The following RASGRP3 variants were observed in gnomAD, a reference collection of about 807,000 sequenced individuals.
RASGRP3 encodes the protein RAS guanyl releasing protein 3.
In RASGRP3, 54 loss-of-function variants were observed where a neutral mutation model predicts 82.7. The observed-to-expected ratio is 0.65, with a 90% CI of 0.52 to 0.82. The LOEUF (loss-of-function observed/expected upper bound fraction) is 0.82, where lower values mean the gene tolerates loss of function less well. Ranked by LOEUF, RASGRP3 falls within the 40% of genes least tolerant of loss-of-function variation. RASGRP3 has a pLI of 0.00. For missense variants in RASGRP3, 861 were observed against 828.9 expected, an observed-to-expected ratio of 1.04 and a Z score of -0.48; for synonymous variants, 309 against 300.5, an observed-to-expected ratio of 1.03 and a Z score of -0.29.
In RASGRP3 at chr2:33,510,394, G is replaced by A. The variant is rs148484711; in HGVS notation, c.-260-1316G>A. ...CATTTTGGCATACTTCCTAGATACC[G>A]TCTGGGAATTTAGTCTACAACATCT... On this transcript the variant is annotated intron_variant, in intron 1 of 17. Coordinates refer to ENST00000403687, the MANE Select transcript of RASGRP3 (RefSeq NM_001139488.2). Among the ~76,000 whole-genome samples, 56 of 152,248 alleles carry A rather than the reference G, an allele frequency of 3.7e-4. No individual in the cohort carries two copies. In the East Asian group the frequency reaches 6.0e-3, roughly 16 times the overall value.
At chr2:33,483,742 G>T (rs1049228245) in intron 1 of RASGRP3, among the ~76,000 whole-genome samples, 2 of 152,080 alleles carry the variant, frequency 1.3e-5, no homozygotes, top group African/African-American at 2.4e-5. Flanking sequence ...GCCTGCCTCG[G>T]CCTCCCAAAG....
At chr2:33,524,199 T>A (rs1392397139) in intron 8 of RASGRP3, 147 bp downstream of exon 8, 25 of 1,084,926 alleles carry the variant, frequency 2.3e-5, no homozygotes, top group Non-Finnish European at 3.2e-5. Context: ...AATCGTATTT[T>A]TGTCATGCAA....
At chr2:33,539,849 G>T (rs892713945) in intron 12 of RASGRP3, 1 of 152,350 alleles carries the variant, frequency 6.6e-6, no homozygotes, top group South Asian at 2.1e-4. Context: ...TTAGCCGGGC[G>T]CGATGGCGGG....
intron 6 of RASGRP3, among the ~76,000 whole-genome samples, 178 bp from the exon 7 acceptor site, chr2:33,521,777 A>C (rs1371630153): frequency 6.6e-6 from 1 of 152,218 alleles, no homozygotes; most frequent in Non-Finnish European, 1.5e-5. Context: ...AAACAACTGC[A>C]AGTTTATGTT....
intron 1 of RASGRP3, among the ~76,000 whole-genome samples, chr2:33,483,319 T>C (rs570180403): frequency 4.5e-4 from 69 of 152,278 alleles, no homozygotes; most frequent in African/African-American, 1.5e-3. Flanking sequence ...CTAAGCCCCT[T>C]GGAAAGATCA....
At chr2:33,450,949 T>C (rs1388197206) in intron 2 of RASGRP3, among the ~76,000 whole-genome samples, 8 of 147,834 alleles carry the variant, frequency 5.4e-5, no homozygotes, top group African/African-American at 2.0e-4. Context: ...AGCATTCTCC[T>C]GCCTCAGCCT....
At chr2:33,440,830 C>G (rs565891823) in intron 1 of RASGRP3, among the ~76,000 whole-genome samples, 178 of 152,108 alleles carry the variant, frequency 1.2e-3, no homozygotes, top group African/African-American at 4.1e-3. Flanking sequence ...ACAAAAATCC[C>G]GAATACAATA....
At chr2:33,545,224 A>G (rs1674623222) in intron 13 of RASGRP3, among the ~76,000 whole-genome samples, 1 of 152,236 alleles carries the variant, frequency 6.6e-6, no homozygotes, top group Non-Finnish European at 1.5e-5. Context: ...ATTGTTTTCT[A>G]TGAATGAAGG....
chr2:33,559,141 G>A, intron 17 of RASGRP3, 111 bp downstream of exon 17: 1 of 893,266 alleles, frequency 1.1e-6, no homozygotes. Flanking sequence ...AAGCAGAATG[G>A]TTGGGAATGA....
At chr2:33,559,052 A>T in intron 17 of RASGRP3, 22 bp downstream of exon 17, 1 of 1,543,014 alleles carries the variant, frequency 6.5e-7, no homozygotes, top group Non-Finnish European at 8.7e-7. Flanking sequence ...GTCAACCCAC[A>T]AAGAAAACCA....
At chr2:33,514,389 C>T (rs1174622795) in intron 2 of RASGRP3, among the ~76,000 whole-genome samples, 1 of 149,794 alleles carries the variant, frequency 6.7e-6, no homozygotes, top group Non-Finnish European at 1.5e-5. Flanking sequence ...GGAAAGGTGG[C>T]CGGGCACAGT....
intron 6 of RASGRP3, 79 bp from the exon 7 acceptor site, chr2:33,521,876 G>A: frequency 6.7e-7 from 1 of 1,502,620 alleles, no homozygotes; most frequent in Non-Finnish European, 8.9e-7. Flanking sequence ...GCCAAGAGTT[G>A]CAGAGTCAGT....
chr2:33,474,846 G>C (rs746305627), upstream of RASGRP3, among the ~76,000 whole-genome samples: 21 of 152,218 alleles, frequency 1.4e-4, no homozygotes, highest in Non-Finnish European at 1.8e-4. Flanking sequence ...AGCAATGCAA[G>C]AATGGACTAA....
Position 33,555,536 on chromosome 2 carries a change from G to C in RASGRP3, c.1548G>C (p.Trp516Cys), listed in dbSNP as rs1553365989. The change falls in exon 15 of 18, where the codon TGG becomes TGC. Residue 516 changes from tryptophan (W) to cysteine (C), a missense_variant. By Grantham distance (215) the Trp-to-Cys change is radical (BLOSUM62 -2). Transcript: ENST00000403687. ...TFCEHCAGFL[W>C]GIIKQGYKCK... ...TCCTTTGTCTTTTGTTACAGCTCTG[G>C]GGCATAATCAAGCAAGGATACAAAT... 6.3e-7 allele frequency: 1 copy of C among 1,598,576 alleles called. No homozygotes were observed. Among genetic ancestry groups the C allele is most frequent in the Non-Finnish European group, 8.6e-7 (1 of 1,168,596 alleles).
chr2:33,546,599 G>C (rs1422034160), intron 13 of RASGRP3, among the ~76,000 whole-genome samples: 1 of 151,994 alleles, frequency 6.6e-6, no homozygotes, highest in Non-Finnish European at 1.5e-5. Flanking sequence ...CCCATTACTG[G>C]GTATATACCC....
intron 2 of RASGRP3, among the ~76,000 whole-genome samples, chr2:33,449,503 T>C (rs1198454514): frequency 6.6e-6 from 1 of 152,196 alleles, no homozygotes; most frequent in Non-Finnish European, 1.5e-5. Context: ...GGCTCACGCC[T>C]GTAATCCCAG....
At chr2:33,470,581 G>A (rs1438458965) in intron 2 of RASGRP3, among the ~76,000 whole-genome samples, 16 of 151,872 alleles carry the variant, frequency 1.1e-4, no homozygotes, top group East Asian at 1.9e-4. Context: ...GGGTTTCACC[G>A]TGTTAGCCAG....
At chr2:33,487,012 C>T (rs1347309251) in intron 1 of RASGRP3, among the ~76,000 whole-genome samples, 5 of 152,114 alleles carry the variant, frequency 3.3e-5, no homozygotes, top group African/African-American at 1.2e-4. Context: ...CATTTATTAT[C>T]TAACTTTAAC....
At chr2:33,507,674 T>C (rs1415375796) in intron 1 of RASGRP3, among the ~76,000 whole-genome samples, 2 of 152,034 alleles carry the variant, frequency 1.3e-5, no homozygotes, top group African/African-American at 4.8e-5. Context: ...TACAGGCATG[T>C]GCCACCACGC....
Sources: gnomAD v4.1 joint callset for allele counts (sites outside exome capture counted in the v4.1 genomes callset) on GRCh38, gnomAD v4.1.1 for gene constraint, MANE v1.5 for transcripts, NCBI Gene and HGNC (gene_info 2026-07-23, HGNC 2026-07-21) for gene names.